ZNF215: variants seen among roughly 807,000 people sequenced by gnomAD.
The protein encoded by ZNF215 is BWSCR2-associated zinc finger protein 2.
In ZNF215, 24 loss-of-function variants were observed where a neutral mutation model predicts 27.2. The observed-to-expected ratio is 0.88, with a 90% CI of 0.64 to 1.24. The LOEUF (loss-of-function observed/expected upper bound fraction) is 1.24. Ranked by LOEUF, ZNF215 falls within the 50% of genes most tolerant of loss-of-function variation. The pLI is 0.00. For synonymous variants in ZNF215, 210 were observed against 204.0 expected, an observed-to-expected ratio of 1.03 and a Z score of -0.25; for missense variants, 675 against 605.7, an observed-to-expected ratio of 1.11 and a Z score of -1.20.
At chr11:6,974,277 A>G (rs1386891975) in intron 5 of ZNF215, among the ~76,000 whole-genome samples, 3 of 152,260 alleles carry the variant, frequency 2.0e-5, no homozygotes, top group East Asian at 1.9e-4. Flanking sequence ...TACCAGTACC[A>G]TGCTGTTTTG....
chr11:6,951,849 C>T, intron 6 of ZNF215, among the ~76,000 whole-genome samples: 1 of 151,890 alleles, frequency 6.6e-6, no homozygotes, highest in African/African-American at 2.4e-5. Flanking sequence ...TGGATCTTTC[C>T]TGCTTTCTCT....
rs186803301 is a variant in ZNF215 at position 6,976,034 on chromosome 11, T to C, written c.806-8095T>C. On this transcript the variant is annotated intron_variant, in intron 5 of 5. Transcript: ENST00000529903. ...CTATGCCTGTCCTTTGGGTATAAGC[T>C]GTTTTAACTGGGGTGAAATGATATG... 5.9e-5 allele frequency among the ~76,000 whole-genome samples: 9 copies of C among 152,196 alleles called. No homozygotes were observed. The East Asian group carries it at 1.7e-3, about 29-fold the overall frequency.
chr11:6,943,354 ATTTTCTGACTCATC>A, intron 5 of ZNF215, 139 bp downstream of exon 5: 2 of 1,345,800 alleles, frequency 1.5e-6, no homozygotes, highest in Middle Eastern at 4.8e-4. Flanking sequence ...ACAGTAGCAG[ATTTTCTGACTCATC>A]TGGATGAAAG....
intron 3 of ZNF215, among the ~76,000 whole-genome samples, chr11:6,937,722 A>G (rs1590050298): frequency 6.6e-6 from 1 of 152,062 alleles, no homozygotes; most frequent in East Asian, 1.9e-4. Flanking sequence ...TTAATTTTTG[A>G]CAAGGGTGTC....
rs150912033 is a variant in ZNF215, at chr11:6,976,802, G to C, written c.806-7327G>C. The stretch of plus-strand genomic sequence containing the variant: ...AGAAATACACATGTATATGTTTTCT[G>C]TTTCTTCTATAAGTTTCCTGTGGCT... On this transcript the variant is annotated intron_variant, in intron 5 of 5. Coordinates refer to the ZNF215 transcript ENST00000529903. Among the ~76,000 whole-genome samples the C allele has an allele frequency of 1.4e-3, 211 of 152,142 alleles. 1 individual carries two copies. Among genetic ancestry groups the C allele is most frequent in the African/African-American group, 4.7e-3 (197 of 41,532 alleles).
chr11:6,981,790 G>T (rs2133355204), intron 5 of ZNF215, among the ~76,000 whole-genome samples: 1 of 152,088 alleles, frequency 6.6e-6, no homozygotes, highest in African/African-American at 2.4e-5. Flanking sequence ...TTTGTATAAG[G>T]TGTAAGGAAG....
At chr11:6,986,127 T>C (rs2133361937), downstream of ZNF215, among the ~76,000 whole-genome samples, 1 of 152,182 alleles carries the variant, frequency 6.6e-6, no homozygotes, top group South Asian at 2.1e-4. Context: ...CTTCAAACTA[T>C]ATACTACAAT....
intron 5 of ZNF215, among the ~76,000 whole-genome samples, chr11:6,977,971 A>G (rs759498606): frequency 1.6e-4 from 24 of 152,244 alleles, no homozygotes; most frequent in Non-Finnish European, 2.2e-4. Flanking sequence ...TATAAAGATC[A>G]GAGACTCAAA....
intron 3 of ZNF215, among the ~76,000 whole-genome samples, chr11:6,938,377 T>C (rs971797906): frequency 2.0e-5 from 3 of 152,038 alleles, no homozygotes; most frequent in African/African-American, 7.2e-5. Flanking sequence ...TGTATATCGT[T>C]GTTGGGAATA....
At chr11:6,977,363 G>C (rs1419591136) in intron 5 of ZNF215, among the ~76,000 whole-genome samples, 1 of 152,006 alleles carries the variant, frequency 6.6e-6, no homozygotes, top group Non-Finnish European at 1.5e-5. Flanking sequence ...CTGACTGTTA[G>C]TCACTTAGCA....
chr11:6,982,561 C>T (rs1850978230), intron 5 of ZNF215, among the ~76,000 whole-genome samples: 1 of 152,188 alleles, frequency 6.6e-6, no homozygotes, highest in Admixed American at 6.5e-5. Context: ...AACTGTCTCT[C>T]AGACCACAAT....
downstream of ZNF215, chr11:6,958,159 A>G: frequency 9.0e-6 from 7 of 774,258 alleles, no homozygotes; most frequent in African/African-American, 1.9e-5. Context: ...GAAGCCTAAC[A>G]AGAGAAAAGC....
At chr11:6,973,640 A>G (rs1370444135) in intron 5 of ZNF215, among the ~76,000 whole-genome samples, 10 of 152,148 alleles carry the variant, frequency 6.6e-5, no homozygotes, top group Admixed American at 3.9e-4. Context: ...CATTTCTCTG[A>G]TGGCCAGTGA....
chr11:6,944,013 C>G (rs1191260328), intron 6 of ZNF215, among the ~76,000 whole-genome samples: 1 of 152,184 alleles, frequency 6.6e-6, no homozygotes, highest in East Asian at 1.9e-4. Context: ...TGGTGGCTCA[C>G]GCCTGTAATC....
At position 6,932,393 on chromosome 11, in the gene ZNF215, A is replaced by G. The variant is rs759688893; in HGVS notation, c.121A>G (p.Thr41Ala). The G allele has an allele frequency of 6.2e-6, 10 of 1,614,134 alleles. No individual in the cohort carries two copies. The highest frequency in any genetic ancestry group is 3.3e-4 in the Middle Eastern group (2 of 6,062). ...WQQETNPVVE[T>A]HDSEASRQKF... ...GCAGGAAACCAACCCCGTCGTGGAGACACATGACTCTGAGGCATCTCGTCA... is the reference window on the plus strand; with the variant it reads ...GCAGGAAACCAACCCCGTCGTGGAGGCACATGACTCTGAGGCATCTCGTCA... Residue 41 changes from threonine (T) to alanine (A), a missense_variant, in exon 3 of 7, where the codon ACA becomes GCA. Physicochemically the swap from Thr to Ala is moderately conservative, Grantham distance 58 (BLOSUM62 0). Coordinates refer to ENST00000278319, the MANE Select transcript of ZNF215 (RefSeq NM_013250.4).
chr11:6,931,095 T>A (rs1849243709), intron 2 of ZNF215, among the ~76,000 whole-genome samples: 1 of 152,206 alleles, frequency 6.6e-6, no homozygotes, highest in African/African-American at 2.4e-5. Context: ...GTTGGTAAAA[T>A]ATCCTGACTG....
At chr11:6,990,779 CAAA>C (rs1298024636), downstream of ZNF215, among the ~76,000 whole-genome samples, 2 of 101,402 alleles carry the variant, frequency 2.0e-5, no homozygotes, top group Non-Finnish European at 2.2e-5. Flanking sequence ...CGCACACACA[CAAA>C]GGGGACTTTG....
Position 6,930,149 on chromosome 11 carries a change from G to A in ZNF215, c.-179-1945G>A, listed in dbSNP as rs543662498. Among the ~76,000 whole-genome samples, 20 of 148,858 alleles carry A rather than the reference G, an allele frequency of 1.3e-4. No individual in the cohort carries two copies. The East Asian group carries it at 3.5e-3, about 26-fold the overall frequency. ...ATTTCTTTACTTTCTGGCAGTACAA[G>A]ATGCCCCATGCTTATGTTGCATGAG... is the stretch of plus-strand genomic sequence containing the variant. On this transcript the variant is annotated intron_variant, in intron 2 of 6. Transcript: ENST00000278319.
intron 3 of ZNF215, among the ~76,000 whole-genome samples, chr11:6,938,218 GGCCAAAAA>G (rs1849505129): frequency 6.6e-6 from 1 of 151,860 alleles, no homozygotes; most frequent in Non-Finnish European, 1.5e-5. Flanking sequence ...ATATACAAAT[GGCCAAAAA>G]GTATAGGAAT....
Sources: allele counts gnomAD v4.1 joint callset (sites outside exome capture counted in the v4.1 genomes callset), GRCh38; gene constraint gnomAD v4.1.1; transcripts MANE v1.5; gene names NCBI Gene and HGNC (gene_info 2026-07-23, HGNC 2026-07-21).